The following C8orf74 variants were observed in gnomAD, a reference collection of about 807,000 sequenced individuals.
C8orf74 encodes uncharacterized protein C8orf74.
C8orf74 carries 29 observed loss-of-function variants against 22.2 expected under a neutral mutation model. The ratio of observed to expected loss-of-function variants is 1.31; its 90% CI spans 0.97 to 1.78. C8orf74 has a LOEUF of 1.78. C8orf74 is among the 40% of genes most tolerant of loss of function. The pLI is 0.00. For missense variants in C8orf74, 515 were observed against 369.9 expected (o/e 1.39, Z -3.22); for synonymous variants, 255 against 163.1 (o/e 1.56, Z -4.30).
intron 2 of C8orf74, among the ~76,000 whole-genome samples, chr8:10,678,798 C>T (rs1015146316): frequency 3.9e-5 from 6 of 152,110 alleles, no homozygotes; most frequent in Non-Finnish European, 7.4e-5. Context: ...CAGAGCCCCA[C>T]GACAGCCAGG....
intron 1 of C8orf74, chr8:10,673,801 G>A (rs1798966024): frequency 6.5e-6 from 1 of 152,780 alleles, no homozygotes; most frequent in African/African-American, 2.4e-5. Context: ...CACCACTGTG[G>A]GGACCCCAAA....
intron 2 of C8orf74, chr8:10,688,940 T>G (rs1799318173): frequency 6.6e-6 from 1 of 152,214 alleles, no homozygotes; most frequent in Admixed American, 6.5e-5. Flanking sequence ...GGGCTCTTCC[T>G]GACAATCCTG....
At chr8:10,693,133 G>A (rs1276423239) in intron 2 of C8orf74, among the ~76,000 whole-genome samples, 2 of 152,168 alleles carry the variant, frequency 1.3e-5, no homozygotes, top group Admixed American at 1.3e-4. Flanking sequence ...CAGCCAGGCA[G>A]CTCCTTGCCT....
intron 2 of C8orf74, among the ~76,000 whole-genome samples, chr8:10,694,006 G>A (rs1799438305): frequency 6.6e-6 from 1 of 152,166 alleles, no homozygotes; most frequent in African/African-American, 2.4e-5. Context: ...CTGCTCCTCT[G>A]CTGTCACTCA....
intron 2 of C8orf74, among the ~76,000 whole-genome samples, chr8:10,694,086 C>T (rs1799440097): frequency 6.6e-6 from 1 of 152,190 alleles, no homozygotes; most frequent in Non-Finnish European, 1.5e-5. Flanking sequence ...TCACACATCG[C>T]CTTCTCTAAG....
At chr8:10,685,465 A>C (rs1799242814) in intron 2 of C8orf74, among the ~76,000 whole-genome samples, 1 of 152,242 alleles carries the variant, frequency 6.6e-6, no homozygotes, top group Non-Finnish European at 1.5e-5. Context: ...TCAGCCTTAC[A>C]AAGGAAGGCA....
chr8:10,700,213 C>T (rs201803874), intron 3 of C8orf74, 22 bp from the exon 4 acceptor site: 31 of 1,528,612 alleles, frequency 2.0e-5, no homozygotes, highest in Middle Eastern at 1.7e-4. Flanking sequence ...CCCTGCTCAT[C>T]GGCCTTCCCC....
intron 2 of C8orf74, among the ~76,000 whole-genome samples, chr8:10,693,538 C>T (rs562257828): frequency 5.9e-5 from 9 of 152,338 alleles, no homozygotes; most frequent in African/African-American, 2.2e-4. Flanking sequence ...GGTTCACTTA[C>T]TCTCTAGACT....
At chr8:10,687,001 C>T in intron 2 of C8orf74, 1 of 434,338 alleles carries the variant, frequency 2.3e-6, no homozygotes, top group South Asian at 1.6e-5. Flanking sequence ...CAGGCAACCG[C>T]CAAGAAGGGA....
At chr8:10,688,902 G>A (rs995263797) in intron 2 of C8orf74, 1 of 152,236 alleles carries the variant, frequency 6.6e-6, no homozygotes, top group Non-Finnish European at 1.5e-5. Context: ...CCACAGAAGA[G>A]GTCTCAAGCA....
At chr8:10,674,877 G>A (rs754177686) in intron 2 of C8orf74, 39 bp downstream of exon 2, 41 of 1,522,056 alleles carry the variant, frequency 2.7e-5, no homozygotes, top group Middle Eastern at 1.7e-4. Flanking sequence ...AGAGGCTGGC[G>A]GGATGGGGTG....
intron 3 of C8orf74, 108 bp downstream of exon 3, chr8:10,698,113 G>A: frequency 1.8e-6 from 2 of 1,128,660 alleles, no homozygotes; most frequent in South Asian, 1.8e-5. Context: ...CAGGGGAGGG[G>A]GAGAGATGCA....
chr8:10,695,331 C>T (rs543224089), intron 2 of C8orf74, among the ~76,000 whole-genome samples: 1 of 152,188 alleles, frequency 6.6e-6, no homozygotes, highest in African/African-American at 2.4e-5. Flanking sequence ...AACCCAGTAC[C>T]CTCCCGAGAG....
chr8:10,684,008 G>A (rs941936176), intron 2 of C8orf74, among the ~76,000 whole-genome samples: 4 of 152,170 alleles, frequency 2.6e-5, no homozygotes, highest in Non-Finnish European at 5.9e-5. Flanking sequence ...GCCCTCCCAC[G>A]ATGCTAGGCA....
chr8:10,683,607 G>A (rs747753332), intron 2 of C8orf74, among the ~76,000 whole-genome samples: 2 of 152,154 alleles, frequency 1.3e-5, no homozygotes, highest in Non-Finnish European at 2.9e-5. Context: ...CACCAAGCTC[G>A]AGTCAGCTGC....
rs746436477 is a variant in C8orf74, at chr8:10,700,503, G to T, written c.*32G>T. On this transcript the variant is annotated 3_prime_UTR_variant, in exon 4 of 4. Transcript: ENST00000304519. ...CCGACTGCCACACGAGACTGACTGG[G>T]GACCAGCCACCCATAACCATGAGCC... The T allele has an allele frequency of 2.1e-6, 3 of 1,399,694 alleles. No homozygotes were observed. In the East Asian group the frequency reaches 7.4e-5, roughly 35 times the overall value. 86.7% of individuals were successfully genotyped at this position (1,399,694 alleles called of 1,614,324 possible). A position where few individuals can be genotyped will look rare whatever the true frequency, so the allele number is the denominator to read the frequency against.
At chr8:10,693,826 G>A (rs116116453) in intron 2 of C8orf74, among the ~76,000 whole-genome samples, 2,268 of 152,312 alleles carry the variant, frequency 0.015, 55 homozygotes, top group African/African-American at 0.051. Flanking sequence ...TGCTCCTTCT[G>A]TGCACTGCCC....
chr8:10,674,658 C>G lies in C8orf74; in HGVS notation c.61C>G (p.Arg21Gly), dbSNP rs766024114. The G allele has an allele frequency of 4.4e-6, 7 of 1,607,714 alleles. No individual in the cohort carries two copies. The African/African-American group carries it at 9.4e-5, about 22-fold the overall frequency. ...TCATTCCCTGCAGAGACCACAAGGT[C>G]GGGAGCGCCTGCGGAGGCTTCTGAA... ...EVFQLQRPQGRERLRRLLNWE... is the reference protein window; with the variant it reads ...EVFQLQRPQGGERLRRLLNWE... The change falls in exon 2 of 4, where the codon CGG (arginine) becomes GGG (glycine). Residue 21 changes from arginine to glycine, a missense_variant. By Grantham distance (125) the Arg-to-Gly change is moderately radical. Coordinates refer to ENST00000304519, the MANE Select transcript of C8orf74 (RefSeq NM_001040032.2).
At chr8:10,689,868 G>C (rs961304557) in intron 2 of C8orf74, 3 of 152,196 alleles carry the variant, frequency 2.0e-5, no homozygotes, top group African/African-American at 7.2e-5. Flanking sequence ...AGAGGCGGAG[G>C]GGGAGGAAGA....
Sources: gnomAD v4.1 joint callset for allele counts (sites outside exome capture counted in the v4.1 genomes callset) on GRCh38, gnomAD v4.1.1 for gene constraint, MANE v1.5 for transcripts, NCBI Gene and HGNC (gene_info 2026-07-23, HGNC 2026-07-21) for gene names.